LSAMP: variants seen among roughly 807,000 people sequenced by gnomAD.
LSAMP encodes the protein limbic system associated membrane protein, also known as limbic system-associated membrane protein.
In LSAMP, 7 loss-of-function variants were observed where a neutral mutation model predicts 38.6. That is an observed-to-expected ratio of 0.18 (90% CI 0.10 to 0.34). The LOEUF is 0.34. Among genes scored for constraint, LSAMP ranks in the 10% least tolerant of loss-of-function variants. LSAMP has a pLI of 1.00. For missense variants in LSAMP, 313 were observed against 420.0 expected, an observed-to-expected ratio of 0.75 and a Z score of 2.23; for synonymous variants, 154 against 166.8, an observed-to-expected ratio of 0.92 and a Z score of 0.59.
At chr3:116,288,706 G>A (rs577842795) in intron 1 of LSAMP, among the ~76,000 whole-genome samples, 1 of 152,094 alleles carries the variant, frequency 6.6e-6, no homozygotes, top group African/African-American at 2.4e-5. Context: ...GATCTCTTGA[G>A]TTTACAGCAC....
chr3:116,293,838 T>C (rs376521348), intron 1 of LSAMP, among the ~76,000 whole-genome samples: 14 of 152,258 alleles, frequency 9.2e-5, no homozygotes, highest in African/African-American at 3.1e-4. Flanking sequence ...TTTAGTTATA[T>C]GCATGTATTA....
At chr3:116,017,446 A>G (rs866789770) in intron 3 of LSAMP, among the ~76,000 whole-genome samples, 9 of 152,160 alleles carry the variant, frequency 5.9e-5, no homozygotes, top group Admixed American at 5.9e-4. Flanking sequence ...TTACATAGAC[A>G]TTTAAGTTAA....
intron 1 of LSAMP, among the ~76,000 whole-genome samples, chr3:116,294,727 T>C (rs987205116): frequency 8.5e-5 from 13 of 152,196 alleles, no homozygotes; most frequent in African/African-American, 3.1e-4. Flanking sequence ...CTGTGGATAA[T>C]ATTTGATGTG....
chr3:116,329,596 T>C (rs1337794996), intron 1 of LSAMP, among the ~76,000 whole-genome samples: 2 of 152,138 alleles, frequency 1.3e-5, no homozygotes, highest in Non-Finnish European at 2.9e-5. Flanking sequence ...AAATTACAAA[T>C]GAAGTATGGT....
intron 1 of LSAMP, among the ~76,000 whole-genome samples, chr3:116,310,233 T>C (rs775878116): frequency 2.0e-5 from 3 of 152,156 alleles, no homozygotes; most frequent in East Asian, 1.9e-4. Context: ...CTGTAAAATA[T>C]CTTTATCTTT....
At chr3:116,394,539 T>C (rs2048743483) in intron 1 of LSAMP, among the ~76,000 whole-genome samples, 1 of 152,180 alleles carries the variant, frequency 6.6e-6, no homozygotes, top group Admixed American at 6.5e-5. Context: ...GTGTAACAGA[T>C]GCCAACCTGC....
intron 3 of LSAMP, among the ~76,000 whole-genome samples, chr3:116,011,531 C>G (rs893663094): frequency 2.0e-5 from 3 of 151,176 alleles, no homozygotes; most frequent in African/African-American, 7.3e-5. Context: ...GTAGTTTGAA[C>G]TTTATTCCAA....
intron 3 of LSAMP, among the ~76,000 whole-genome samples, chr3:116,002,370 C>A (rs1940021722): frequency 6.6e-6 from 1 of 152,154 alleles, no homozygotes; most frequent in African/African-American, 2.4e-5. Context: ...GTGCCAGACA[C>A]TGGAGAACAC....
chr3:116,014,404 C>T (rs959913826), intron 3 of LSAMP, among the ~76,000 whole-genome samples: 6 of 151,932 alleles, frequency 3.9e-5, no homozygotes, highest in African/African-American at 1.5e-4. Context: ...TATTTTAAAA[C>T]CAATATATAA....
chr3:115,879,442 T>G (rs891914094), intron 3 of LSAMP, among the ~76,000 whole-genome samples: 5 of 152,278 alleles, frequency 3.3e-5, no homozygotes, highest in Admixed American at 6.5e-5. Context: ...AAATACTGAC[T>G]AATATGGGTT....
At chr3:116,253,339 C>T (rs2046710010) in intron 1 of LSAMP, among the ~76,000 whole-genome samples, 1 of 152,272 alleles carries the variant, frequency 6.6e-6, no homozygotes. Context: ...TAGCCACATC[C>T]AAACCCCAAA....
At chr3:115,814,244 A>T (rs368471281) in intron 6 of LSAMP, 1 of 152,230 alleles carries the variant, frequency 6.6e-6, no homozygotes, top group Admixed American at 6.5e-5. Context: ...CAGGACTGCA[A>T]ATCATAAGTC....
In LSAMP at chr3:115,810,256, T is replaced by TCTCC; in HGVS notation, c.*60_*61insGGAG. On this transcript the variant is annotated 3_prime_UTR_variant, in exon 7 of 7. Coordinates refer to ENST00000490035, the MANE Select transcript of LSAMP (RefSeq NM_002338.5). ...CTCTCTCTCTCTCTGTCTCTCTCTC[T>TCTCC]CTGTATTCTGTGTGACGCATTTTTG... 8.6e-7 allele frequency: 1 copy of TCTCC among 1,168,346 alleles called. No individual in the cohort carries two copies. The highest frequency in any genetic ancestry group is 1.2e-6 in the Non-Finnish European group (1 of 808,846). The allele number at this position is 1,168,346 out of a possible 1,614,324, so 72.4% of individuals were successfully genotyped here.
chr3:116,090,668 A>ATTTT (rs1383409127), intron 1 of LSAMP, among the ~76,000 whole-genome samples: 1 of 152,206 alleles, frequency 6.6e-6, no homozygotes, highest in Non-Finnish European at 1.5e-5. Flanking sequence ...GACAGAGTAC[A>ATTTT]AAAGAGAGAA....
intron 3 of LSAMP, among the ~76,000 whole-genome samples, chr3:115,886,142 C>G (rs986757789): frequency 6.6e-6 from 1 of 151,904 alleles, no homozygotes; most frequent in African/African-American, 2.4e-5. Flanking sequence ...CCTTTTCATA[C>G]TAATCCATAT....
chr3:116,352,236 C>T (rs148503951), intron 1 of LSAMP, among the ~76,000 whole-genome samples: 10 of 152,186 alleles, frequency 6.6e-5, no homozygotes, highest in African/African-American at 2.4e-4. Context: ...AATACCTGAT[C>T]ATCATTGATG....
At chr3:116,024,078 G>C (rs1431670858) in intron 2 of LSAMP, among the ~76,000 whole-genome samples, 2 of 152,092 alleles carry the variant, frequency 1.3e-5, no homozygotes, top group African/African-American at 4.8e-5. Context: ...TCCACAATGG[G>C]TGAAATGCCG....
At chr3:115,905,472 G>GTACC (rs1936985781) in intron 3 of LSAMP, among the ~76,000 whole-genome samples, 1 of 151,954 alleles carries the variant, frequency 6.6e-6, no homozygotes, top group Admixed American at 6.6e-5. Context: ...CCCCCAAAAT[G>GTACC]TACCTGTTCA....
At chr3:116,118,366 A>G (rs1293883272) in intron 1 of LSAMP, among the ~76,000 whole-genome samples, 1 of 151,900 alleles carries the variant, frequency 6.6e-6, no homozygotes, top group Non-Finnish European at 1.5e-5. Flanking sequence ...TGTCTGTGGG[A>G]TGATTGCTTT....
Sources: allele counts gnomAD v4.1 joint callset (sites outside exome capture counted in the v4.1 genomes callset), GRCh38; gene constraint gnomAD v4.1.1; transcripts MANE v1.5; gene names NCBI Gene and HGNC (gene_info 2026-07-23, HGNC 2026-07-21).